The following FMN2 variants were observed in gnomAD, a reference collection of about 807,000 sequenced individuals.
FMN2 encodes the protein formin 2, also known as formin-2.
In FMN2, 51 loss-of-function variants were observed where a neutral mutation model predicts 142.3. The observed-to-expected ratio is 0.36, with a 90% CI of 0.29 to 0.45. The LOEUF is 0.45. Ranked by LOEUF, FMN2 falls within the 20% of genes least tolerant of loss-of-function variation. FMN2 has a pLI of 1.00. For synonymous variants in FMN2, 882 were observed against 869.8 expected, an observed-to-expected ratio of 1.01 and a Z score of -0.25; for missense variants, 1,936 against 2,122.8, an observed-to-expected ratio of 0.91 and a Z score of 1.73.
At chr1:240,133,981 A>C (rs536986842) in intron 2 of FMN2, among the ~76,000 whole-genome samples, 1 of 152,260 alleles carries the variant, frequency 6.6e-6, no homozygotes, top group Admixed American at 6.5e-5. Flanking sequence ...CATCTTCTCC[A>C]CCCACTTAAG....
At chr1:240,209,846 G>A (rs1384841964) in intron 5 of FMN2, among the ~76,000 whole-genome samples, 1 of 151,910 alleles carries the variant, frequency 6.6e-6, no homozygotes, top group Non-Finnish European at 1.5e-5. Context: ...GGAGCTTGCA[G>A]TGAGCCGAGA....
chr1:240,144,938 C>T, intron 2 of FMN2: 1 of 1,304,146 alleles, frequency 7.7e-7, no homozygotes, highest in East Asian at 2.3e-5. Context: ...CTTCTGGGAG[C>T]CTACTAGCCG....
At chr1:240,442,390 A>G (rs1426385516) in intron 16 of FMN2, among the ~76,000 whole-genome samples, 1 of 152,230 alleles carries the variant, frequency 6.6e-6, no homozygotes, top group Non-Finnish European at 1.5e-5. Context: ...CACAAACCTG[A>G]TCCTGAAGCA....
chr1:240,253,651 T>C (rs1668354557), intron 6 of FMN2, among the ~76,000 whole-genome samples: 1 of 152,238 alleles, frequency 6.6e-6, no homozygotes, highest in South Asian at 2.1e-4. Flanking sequence ...TTTGGAGGTG[T>C]AATATCTCTT....
chr1:240,319,674 G>A (rs996329723), intron 8 of FMN2, among the ~76,000 whole-genome samples: 5 of 152,234 alleles, frequency 3.3e-5, no homozygotes, highest in African/African-American at 1.2e-4. Context: ...AAGACTGGGC[G>A]AGGGAAGGTT....
chr1:240,241,449 G>T (rs1189139868), intron 6 of FMN2, among the ~76,000 whole-genome samples: 1 of 152,100 alleles, frequency 6.6e-6, no homozygotes, highest in Non-Finnish European at 1.5e-5. Context: ...AGAGGTGTGT[G>T]TGCACATGGC....
intron 6 of FMN2, among the ~76,000 whole-genome samples, chr1:240,229,175 A>G (rs900953854): frequency 6.6e-6 from 1 of 152,214 alleles, no homozygotes; most frequent in African/African-American, 2.4e-5. Context: ...TCTTTCTTCC[A>G]TCAAGTCTTC....
chr1:240,262,752 AC>A (rs1668671774), intron 7 of FMN2, among the ~76,000 whole-genome samples: 1 of 145,806 alleles, frequency 6.9e-6, no homozygotes, highest in Non-Finnish European at 1.5e-5. Flanking sequence ...TAAAGTGAAA[AC>A]TTTTACTTTT....
intron 2 of FMN2, chr1:240,144,530 G>A (rs566479165): frequency 3.8e-4 from 562 of 1,470,592 alleles, no homozygotes; most frequent in Non-Finnish European, 4.8e-4. Flanking sequence ...CTCGCAGGAT[G>A]TGAAGATGTC....
chr1:240,146,103 C>T (rs935415070), intron 2 of FMN2, among the ~76,000 whole-genome samples: 3 of 151,568 alleles, frequency 2.0e-5, no homozygotes, highest in African/African-American at 7.3e-5. Context: ...TGGCTGGGCT[C>T]AGTGGATCAG....
chr1:240,317,788 CA>C (rs1670840573), intron 8 of FMN2, among the ~76,000 whole-genome samples: 1 of 152,138 alleles, frequency 6.6e-6, no homozygotes, highest in African/African-American at 2.4e-5. Flanking sequence ...TGTTGTGTTA[CA>C]AGTTGTGTAT....
intron 2 of FMN2, among the ~76,000 whole-genome samples, chr1:240,167,184 T>C (rs1052622015): frequency 6.6e-6 from 1 of 152,234 alleles, no homozygotes; most frequent in Non-Finnish European, 1.5e-5. Flanking sequence ...ATTATTTTGA[T>C]ATTAAATTTT....
rs191104752 is a variant in FMN2, at chr1:240,356,666, C to G, written c.4858+758C>G. Among the ~76,000 whole-genome samples the G allele has an allele frequency of 7.7e-4, 117 of 152,248 alleles. 1 individual carries two copies. Among genetic ancestry groups the G allele is most frequent in the African/African-American group, 2.5e-3 (104 of 41,554 alleles). ...TCTAAAGATCAGATTTATATCATGC[C>G]ATGCTCTGGGAAAGTTCTTGCTGTT... On this transcript the variant is annotated intron_variant, in intron 14 of 17. Transcript: ENST00000319653.
At position 240,445,507 on chromosome 1, in the gene FMN2, T is replaced by C. The variant is rs78125803; in HGVS notation, c.5060+7297T>C. 1.2e-3 allele frequency among the ~76,000 whole-genome samples: 187 copies of C among 152,180 alleles called. 3 individuals are homozygous for C. In the East Asian group the frequency reaches 0.03, roughly 24 times the overall value. ...AAGGGGCACAGTGGGGAGGGTGTAA[T>C]GTGCTGTATGAGCATTCCGGGTAGA... On this transcript the variant is annotated intron_variant, in intron 16 of 17. Transcript: ENST00000319653.
At chr1:240,145,324 T>G (rs1349221381) in intron 2 of FMN2, 5 of 1,052,364 alleles carry the variant, frequency 4.8e-6, no homozygotes, top group Non-Finnish European at 6.8e-6. Context: ...GGGCCGCCGC[T>G]GGGGGCTGCT....
intron 6 of FMN2, among the ~76,000 whole-genome samples, chr1:240,226,971 T>C (rs911746899): frequency 2.6e-5 from 4 of 152,278 alleles, no homozygotes; most frequent in African/African-American, 9.6e-5. Flanking sequence ...TACTTCTGTT[T>C]AGCAATGTGC....
chr1:240,129,828 C>G (rs1662662673), intron 2 of FMN2, among the ~76,000 whole-genome samples: 1 of 152,136 alleles, frequency 6.6e-6, no homozygotes, highest in Non-Finnish European at 1.5e-5. Flanking sequence ...CTCTTGCCTT[C>G]TGGCGGTCAT....
intron 7 of FMN2, among the ~76,000 whole-genome samples, chr1:240,280,728 A>G (rs1273171708): frequency 2.0e-5 from 3 of 152,068 alleles, no homozygotes; most frequent in East Asian, 1.9e-4. Flanking sequence ...TCATCTATAC[A>G]CTATGCTTAA....
In FMN2 at chr1:240,348,928, G is replaced by T. The variant is rs190878696; in HGVS notation, c.4766-6888G>T. Among the ~76,000 whole-genome samples the T allele has an allele frequency of 1.9e-3, 289 of 152,218 alleles. 3 individuals are homozygous for T. Among genetic ancestry groups the T allele is most frequent in the African/African-American group, 6.8e-3 (283 of 41,534 alleles). ...TTCTCAAATTATTTTCCCAGTGTCC[G>T]GTCACTAGCTCTGTGGATATTGAGA... On this transcript the variant is annotated intron_variant, in intron 13 of 17. Transcript: ENST00000319653.
Sources: gnomAD v4.1 joint callset for allele counts (sites outside exome capture counted in the v4.1 genomes callset) on GRCh38, gnomAD v4.1.1 for gene constraint, MANE v1.5 for transcripts, NCBI Gene and HGNC (gene_info 2026-07-23, HGNC 2026-07-21) for gene names.